Variants in SPTBN5 observed in about 807,000 individuals in gnomAD.
SPTBN5 encodes the protein spectrin beta chain, non-erythrocytic 5.
Under a neutral mutation model 477.6 loss-of-function variants are expected in SPTBN5, and 513 were observed. The observed-to-expected ratio is 1.07, with a 90% CI of 1.00 to 1.16. The LOEUF is 1.16. Ranked by LOEUF, SPTBN5 falls within the 50% of genes most tolerant of loss-of-function variation. The pLI is 0.00. For missense variants in SPTBN5, 5,062 were observed against 4,731.8 expected (o/e 1.07, Z -2.05); for synonymous variants, 2,169 against 2,011.7 (o/e 1.08, Z -2.09).
chr15:41,878,254 T>C, intron 17 of SPTBN5, 88 bp downstream of exon 17: 2 of 1,479,266 alleles, frequency 1.4e-6, no homozygotes, highest in Non-Finnish European at 1.8e-6. Flanking sequence ...ATCACACTAC[T>C]TCCCGCATGC....
rs1480484290 is a variant in SPTBN5, at chr15:41,858,595, GCCTCACCCGCTGCA to G, written c.8219_8226+6del. ...GTCCCACCACCCTCCTGCCTGCAGG[GCCTCACCCGCTGCA>G]GCTCCTGCTGTTGGTGCATGCTCGC... is the stretch of plus-strand genomic sequence containing the variant. On this transcript the variant is annotated splice_donor_variant and splice_donor_5th_base_variant and coding_sequence_variant and intron_variant, in exon 49 of 68. Transcript: ENST00000320955. LOFTEE classifies it high-confidence loss of function. The G allele has an allele frequency of 6.2e-7, 1 of 1,608,326 alleles. No homozygotes were observed. Among genetic ancestry groups the G allele is most frequent in the Non-Finnish European group, 8.5e-7 (1 of 1,178,784 alleles).
At chr15:41,852,767 C>A (rs929731948) in intron 60 of SPTBN5, 32 bp from the exon 61 acceptor site, 1 of 1,465,530 alleles carries the variant, frequency 6.8e-7, no homozygotes, top group East Asian at 2.2e-5. Flanking sequence ...TGACGCCCAG[C>A]TTGGGGGGGG....
intron 28 of SPTBN5, 113 bp from the exon 29 acceptor site, chr15:41,871,633 G>C (rs1318615698): frequency 7.8e-6 from 11 of 1,409,754 alleles, no homozygotes; most frequent in Non-Finnish European, 1.0e-5. Flanking sequence ...GGATAGCCAC[G>C]GCGTCTGCCC....
At chr15:41,849,789 C>G in intron 67 of SPTBN5, 80 bp downstream of exon 67, 1 of 1,153,230 alleles carries the variant, frequency 8.7e-7, no homozygotes, top group Non-Finnish European at 1.3e-6. Context: ...GGCCCAGAAC[C>G]TCAGGCTTCA....
rs566188107 is a variant in SPTBN5 at position 41,881,878 on chromosome 15, T to A, written c.2457+58A>T. On this transcript the variant is annotated intron_variant, in intron 12 of 67. Transcript: ENST00000320955. ...GGCCCTCCCATTTTTGTCCTCTGTG[T>A]GGCCCAGCCGCGGTGGAGCAAGGGA... The A allele has an allele frequency of 4.9e-5, 72 of 1,462,300 alleles. No homozygotes were observed. The East Asian group carries it at 1.9e-3, about 39-fold the overall frequency. The allele number at this position is 1,462,300 out of a possible 1,614,324, so 90.6% of individuals were successfully genotyped here. A position where few individuals can be genotyped will look rare whatever the true frequency, so the allele number is the denominator to read the frequency against.
chr15:41,873,978 A>G lies in SPTBN5; in HGVS notation c.4757T>C (p.Leu1586Pro). Reference protein sequence around the residue: ...VQRVLSSGRSLAASGHPQAQH... With the variant: ...VQRVLSSGRSPAASGHPQAQH... ...GGCTTGGGGGTGCCCTGAGGCTGCCAGGCTCCGCCCAGAACTCAGCACCCG... is the reference window on the plus strand; with the variant it reads ...GGCTTGGGGGTGCCCTGAGGCTGCCGGGCTCCGCCCAGAACTCAGCACCCG... The change falls in exon 25 of 68, where the codon CTG becomes CCG. Residue 1586 changes from leucine (L) to proline (P), a missense_variant. Leu to Pro is a moderately conservative substitution (Grantham distance 98, BLOSUM62 -3). Transcript: ENST00000320955. 2 of 1,606,540 alleles carry G rather than the reference A, an allele frequency of 1.2e-6. No homozygotes were observed. Among genetic ancestry groups the G allele is most frequent in the Non-Finnish European group, 1.7e-6 (2 of 1,179,802 alleles).
At chr15:41,879,222 C>T (rs1306237039) in intron 16 of SPTBN5, 38 bp downstream of exon 16, 1 of 1,580,862 alleles carries the variant, frequency 6.3e-7, no homozygotes, top group African/African-American at 1.3e-5. Context: ...TCCCATGGTC[C>T]TCACTGCCTC....
intron 24 of SPTBN5, 71 bp downstream of exon 24, chr15:41,874,221 G>A: frequency 6.5e-7 from 1 of 1,546,694 alleles, no homozygotes. Flanking sequence ...GGACACCTGA[G>A]TAGGGGCAGA....
At chr15:41,852,760 C>T (rs778096265) in intron 60 of SPTBN5, 25 bp from the exon 61 acceptor site, 54 of 1,595,822 alleles carry the variant, frequency 3.4e-5, no homozygotes, top group South Asian at 2.9e-4. Context: ...GTTCAGGTGA[C>T]GCCCAGCTTG....
At position 41,853,861 on chromosome 15, in the gene SPTBN5, G is replaced by A; in HGVS notation, c.9775-74C>T. The A allele has an allele frequency of 4.8e-6, 7 of 1,455,262 alleles. No individual in the cohort carries two copies. The Admixed American group carries it at 1.1e-4, about 23-fold the overall frequency. The allele number at this position is 1,455,262 out of a possible 1,614,324, so 90.1% of individuals were successfully genotyped here. On this transcript the variant is annotated intron_variant, in intron 57 of 67. Transcript: ENST00000320955. ...GCGTGCTCTGCATTCAGGAGCACCA[G>A]GCCTCTCTGAGGAACCACCTCCACT... is the stretch of plus-strand genomic sequence containing the variant.
chr15:41,888,906 G>A (rs1041797367), intron 4 of SPTBN5, among the ~76,000 whole-genome samples: 5 of 152,238 alleles, frequency 3.3e-5, no homozygotes, highest in African/African-American at 7.2e-5. Flanking sequence ...CCCCAGCGAG[G>A]TCAGGCCCCA....
At chr15:41,880,918 A>T in intron 13 of SPTBN5, 116 bp downstream of exon 13, 1 of 905,218 alleles carries the variant, frequency 1.1e-6, no homozygotes, top group Non-Finnish European at 1.7e-6. Flanking sequence ...CAGCCATGAT[A>T]AAAGCTCCTT....
At chr15:41,885,620 C>G in intron 7 of SPTBN5, 115 bp downstream of exon 7, 1 of 1,280,840 alleles carries the variant, frequency 7.8e-7, no homozygotes, top group Non-Finnish European at 1.1e-6. Flanking sequence ...GATCCCTGAA[C>G]CCATAAATCA....
chr15:41,853,837 C>T (rs753989866), intron 57 of SPTBN5, 50 bp from the exon 58 acceptor site: 39 of 1,491,810 alleles, frequency 2.6e-5, no homozygotes, highest in Non-Finnish European at 3.2e-5. Context: ...TGAGCCGATG[C>T]GTGCTCTGCA....
chr15:41,862,068 G>A (rs1267837397), intron 44 of SPTBN5, 62 bp downstream of exon 44: 119 of 1,391,634 alleles, frequency 8.6e-5, no homozygotes, highest in Non-Finnish European at 1.0e-4. Context: ...GGAGATGAGA[G>A]GAAGGGGAGG....
At position 41,853,757 on chromosome 15, in the gene SPTBN5, C is replaced by T. The variant is rs376309722; in HGVS notation, c.9805G>A (p.Ala3269Thr). Residue 3269 changes from alanine (A) to threonine (T), a missense_variant, in exon 58 of 68, where the codon GCA (alanine) becomes ACA (threonine). By Grantham distance (58) the Ala-to-Thr change is moderately conservative. Coordinates refer to ENST00000320955, the MANE Select transcript of SPTBN5 (RefSeq NM_016642.4). The part of the protein sequence containing the change: ...RELEAMEKEV[A>T]RLQTEACRLG... ...CGGCAGGCCTCCGTCTGTAGCCGTG[C>T]CACCTCCTTCTCCATAGCTTCCAGC... The T allele has an allele frequency of 3.0e-5, 48 of 1,576,274 alleles. No homozygotes were observed. Among genetic ancestry groups the T allele is most frequent in the Admixed American group, 1.8e-5 (1 of 54,864 alleles).
intron 25 of SPTBN5, 56 bp from the exon 26 acceptor site, chr15:41,873,664 C>G: frequency 6.7e-7 from 1 of 1,492,330 alleles, no homozygotes; most frequent in African/African-American, 1.4e-5. Flanking sequence ...CCTCCGTCAG[C>G]CCTGGAGACA....
At chr15:41,865,621 T>C (rs2066272727) in intron 39 of SPTBN5, among the ~76,000 whole-genome samples, 187 bp downstream of exon 39, 2 of 152,184 alleles carry the variant, frequency 1.3e-5, no homozygotes, top group Admixed American at 1.3e-4. Flanking sequence ...ACCTCTGAGG[T>C]GGGTGCTACC....
rs373526679 is a variant in SPTBN5 at position 41,861,386 on chromosome 15, C to A, written c.7815+33G>T. 210 of 1,575,694 alleles carry A rather than the reference C, an allele frequency of 1.3e-4. No individual in the cohort carries two copies. In the African/African-American group the frequency reaches 2.4e-3, roughly 18 times the overall value. Reference sequence around the variant, plus strand: ...GACCCCTAATGCTGCTCTGGTAATTCCCCCCTCCTGCCCATTCCTGCTGGG... The same window carrying A: ...GACCCCTAATGCTGCTCTGGTAATTACCCCCTCCTGCCCATTCCTGCTGGG... On this transcript the variant is annotated intron_variant, in intron 46 of 67. Coordinates refer to ENST00000320955, the MANE Select transcript of SPTBN5 (RefSeq NM_016642.4).
Sources: allele counts gnomAD v4.1 joint callset (sites outside exome capture counted in the v4.1 genomes callset), GRCh38; gene constraint gnomAD v4.1.1; transcripts MANE v1.5; gene names NCBI Gene and HGNC (gene_info 2026-07-23, HGNC 2026-07-21).